Variants in CD226 observed in about 807,000 individuals in gnomAD.
CD226 encodes CD226 antigen.
A neutral mutation model predicts 34.9 loss-of-function variants in CD226; 24 were observed. That is an observed-to-expected ratio of 0.69 (90% CI 0.50 to 0.97). The LOEUF (loss-of-function observed/expected upper bound fraction) is 0.97. Among genes scored for constraint, CD226 ranks in the 50% least tolerant of loss-of-function variants. CD226 has a pLI of 0.00. For missense variants in CD226, 397 were observed against 412.7 expected, an observed-to-expected ratio of 0.96 and a Z score of 0.33; for synonymous variants, 148 against 147.4, an observed-to-expected ratio of 1.00 and a Z score of -0.03.
At chr18:69,923,416 C>T (rs1001912552) in intron 2 of CD226, among the ~76,000 whole-genome samples, 4 of 152,044 alleles carry the variant, frequency 2.6e-5, no homozygotes, top group Admixed American at 6.6e-5. Flanking sequence ...AAACCAACTG[C>T]GAAAACGTCC....
chr18:69,957,325 G>C (rs2055906257), upstream of CD226: 2 of 149,518 alleles, frequency 1.3e-5, no homozygotes, highest in Admixed American at 1.4e-4. Flanking sequence ...ATCTAAGTAT[G>C]TTTCGGTCTT....
intron 2 of CD226, among the ~76,000 whole-genome samples, chr18:69,915,233 G>A (rs1264845236): frequency 1.3e-5 from 2 of 152,312 alleles, no homozygotes; most frequent in South Asian, 2.1e-4. Context: ...GTAGCAGAAT[G>A]AGTAAAAATA....
Position 69,882,640 on chromosome 18 carries a change from A to C in CD226, c.728-9394T>G, listed in dbSNP as rs1029738024. Among the ~76,000 whole-genome samples the C allele has an allele frequency of 8.5e-5, 13 of 152,326 alleles. No homozygotes were observed. The East Asian group carries it at 1.2e-3, about 14-fold the overall frequency. On this transcript the variant is annotated intron_variant, in intron 3 of 5. Transcript: ENST00000582621. Reference sequence around the variant, plus strand: ...CACATTTACCTCAATTTTTATGAACATATTATTTAAAGAGACTATATAGAT... The same window carrying C: ...CACATTTACCTCAATTTTTATGAACCTATTATTTAAAGAGACTATATAGAT...
intron 3 of CD226, among the ~76,000 whole-genome samples, chr18:69,892,107 C>T (rs1628153): frequency 0.97 from 147,141 of 152,282 alleles, 71,311 homozygotes; most frequent in East Asian, 1. Context: ...TTGATGGTCC[C>T]GCCTGAGTGG....
rs141470378 is a variant in CD226 at position 69,952,991 on chromosome 18, C to T, written c.-28+3764G>A. Among the ~76,000 whole-genome samples, 357 of 152,238 alleles carry T rather than the reference C, an allele frequency of 2.3e-3. 2 individuals carry two copies. Among genetic ancestry groups the T allele is most frequent in the Non-Finnish European group, 4.3e-3 (295 of 68,010 alleles). On this transcript the variant is annotated intron_variant, in intron 1 of 6. Coordinates refer to the CD226 transcript ENST00000280200. ...AACATTATCAGTCAATAAGGAAACA[C>T]AAATAAGAACCACAATGAGAACTCA...
chr18:69,956,847 G>A (rs1216548449), exon 1 of CD226: 3 of 152,212 alleles, frequency 2.0e-5, no homozygotes, highest in African/African-American at 7.2e-5. Context: ...TGGCCTCCTA[G>A]CCTCAACACC....
At position 69,858,718 on chromosome 18, in the gene CD226, CTTTTTTTTTTTTTTT is replaced by C. The variant is rs71178826; in HGVS notation, c.*5581_*5595del. ...GCCACCCCTATGTTCAAATACTTAA[CTTTTTTTTTTTTTTT>C]TTTTTTTTTTTTTTGAGACGGAGTC... is the stretch of plus-strand genomic sequence containing the variant. On this transcript the variant is annotated 3_prime_UTR_variant, in exon 6 of 6. Coordinates refer to ENST00000582621, the MANE Select transcript of CD226 (RefSeq NM_001303618.2). 1.1e-4 allele frequency: 5 copies of C among 44,942 alleles called. No individual in the cohort carries two copies. The highest frequency in any genetic ancestry group is 6.1e-4 in the East Asian group (1 of 1,642). 2.8% of individuals were successfully genotyped at this position (44,942 alleles called of 1,614,324 possible).
rs1300641678 is a variant in CD226 at position 69,858,459 on chromosome 18, TAA to T, written c.*5853_*5854del. 3.9e-5 allele frequency: 6 copies of T among 152,116 alleles called. No homozygotes were observed. Among genetic ancestry groups the T allele is most frequent in the Admixed American group, 3.9e-4 (6 of 15,260 alleles). 9.4% of individuals were successfully genotyped at this position (152,116 alleles called of 1,614,324 possible). ...CAAGCTGCTGCCTTCCAGATATATT[TAA>T]GAGACACTGATTTTGGAATAAGTCA... On this transcript the variant is annotated 3_prime_UTR_variant, in exon 6 of 6. Transcript: ENST00000582621.
intron 2 of CD226, among the ~76,000 whole-genome samples, chr18:69,919,318 C>T (rs1317040056): frequency 3.3e-5 from 5 of 152,182 alleles, no homozygotes; most frequent in South Asian, 4.2e-4. Flanking sequence ...ATTCCAGAAA[C>T]GCTGTCAGGG....
rs190710731 is a variant in CD226, at chr18:69,856,525, A to G, written c.*7789T>C. On this transcript the variant is annotated 3_prime_UTR_variant, in exon 6 of 6. Coordinates refer to ENST00000582621, the MANE Select transcript of CD226 (RefSeq NM_001303618.2). ...TGAACATTCTTCTTAAGATCACATG[A>G]AACATTCTACAAGATAGACCATATT... The G allele has an allele frequency of 1.1e-3, 170 of 152,332 alleles. No individual in the cohort carries two copies. Among genetic ancestry groups the G allele is most frequent in the African/African-American group, 3.7e-3 (153 of 41,584 alleles). The allele number at this position is 152,332 out of a possible 1,614,324, so 9.4% of individuals were successfully genotyped here. A position where few individuals can be genotyped will look rare whatever the true frequency, so the allele number is the denominator to read the frequency against.
chr18:69,864,920 A>C (rs1409616682), intron 5 of CD226, among the ~76,000 whole-genome samples: 1 of 152,240 alleles, frequency 6.6e-6, no homozygotes, highest in Non-Finnish European at 1.5e-5. Flanking sequence ...TGAAAAAAGA[A>C]AGACAAATTA....
intron 2 of CD226, among the ~76,000 whole-genome samples, chr18:69,905,120 C>A (rs543113994): frequency 1.8e-4 from 28 of 152,302 alleles, no homozygotes; most frequent in Non-Finnish European, 2.8e-4. Flanking sequence ...GACATTCTTA[C>A]CTAGGCAGGG....
chr18:69,907,649 A>G (rs757050827), intron 2 of CD226, among the ~76,000 whole-genome samples: 1 of 152,166 alleles, frequency 6.6e-6, no homozygotes, highest in Non-Finnish European at 1.5e-5. Flanking sequence ...AGTCAATGAA[A>G]TCTCTCTCAT....
At chr18:69,871,804 G>A (rs1440809136) in intron 4 of CD226, among the ~76,000 whole-genome samples, 1 of 152,222 alleles carries the variant, frequency 6.6e-6, no homozygotes, top group Admixed American at 6.5e-5. Context: ...GTTAATGACA[G>A]GGTTAATGAG....
intron 2 of CD226, among the ~76,000 whole-genome samples, chr18:69,911,714 T>C (rs928078668): frequency 6.6e-6 from 1 of 152,216 alleles, no homozygotes; most frequent in African/African-American, 2.4e-5. Flanking sequence ...CATGTATTAC[T>C]TTTTCATGTA....
chr18:69,905,960 T>TGC (rs2055248001), intron 2 of CD226, among the ~76,000 whole-genome samples: 1 of 152,200 alleles, frequency 6.6e-6, no homozygotes, highest in African/African-American at 2.4e-5. Context: ...ACTCCAAACT[T>TGC]AAGCTGTTCG....
intron 4 of CD226, among the ~76,000 whole-genome samples, chr18:69,870,035 C>G (rs1983412338): frequency 1.3e-5 from 2 of 151,628 alleles, no homozygotes; most frequent in Middle Eastern, 3.4e-3. Flanking sequence ...AACTCCTGAC[C>G]TCATGATCTG....
At chr18:69,956,244 C>A (rs1402436513) in intron 1 of CD226, among the ~76,000 whole-genome samples, 1 of 152,234 alleles carries the variant, frequency 6.6e-6, no homozygotes, top group African/African-American at 2.4e-5. Context: ...AATGCTGGAA[C>A]CAAGAGGTGT....
intron 3 of CD226, among the ~76,000 whole-genome samples, chr18:69,895,289 A>C (rs1047923213): frequency 2.6e-5 from 4 of 152,230 alleles, no homozygotes; most frequent in Non-Finnish European, 5.9e-5. Context: ...TGCTTCAGCC[A>C]TATCAACCTA....
Sources: allele counts gnomAD v4.1 joint callset (sites outside exome capture counted in the v4.1 genomes callset), GRCh38; gene constraint gnomAD v4.1.1; transcripts MANE v1.5; gene names NCBI Gene and HGNC (gene_info 2026-07-23, HGNC 2026-07-21).